ZSCAN20: variants seen among roughly 807,000 people sequenced by gnomAD.
The protein encoded by ZSCAN20 is zinc finger and SCAN domain containing 20, also known as zinc finger and SCAN domain-containing protein 20.
In ZSCAN20, 39 loss-of-function variants were observed where a neutral mutation model predicts 97.1. That is an observed-to-expected ratio of 0.40 (90% CI 0.31 to 0.52). The LOEUF (loss-of-function observed/expected upper bound fraction) is 0.52. ZSCAN20 is among the 20% of genes least tolerant of loss of function. The pLI, the probability that ZSCAN20 is intolerant of heterozygous loss-of-function variation, is 0.49. For missense variants in ZSCAN20, 1,115 were observed against 1,290.4 expected (o/e 0.86, Z 2.08); for synonymous variants, 456 against 467.3 (o/e 0.98, Z 0.31).
At chr1:33,483,266 TCA>T (rs770324798) in intron 2 of ZSCAN20, among the ~76,000 whole-genome samples, 1 of 137,580 alleles carries the variant, frequency 7.3e-6, no homozygotes, top group Non-Finnish European at 1.6e-5. Flanking sequence ...TTTTTTTTTT[TCA>T]TGTGGATGTC....
chr1:33,494,116 C>T (rs1307342088), intron 7 of ZSCAN20, 102 bp from the exon 8 acceptor site: 1 of 1,091,972 alleles, frequency 9.2e-7, no homozygotes, highest in East Asian at 2.5e-5. Flanking sequence ...GAATCAAATT[C>T]ATGTTAGCCA....
At chr1:33,483,720 A>C (rs940989350) in intron 2 of ZSCAN20, among the ~76,000 whole-genome samples, 2 of 152,000 alleles carry the variant, frequency 1.3e-5, no homozygotes, top group Non-Finnish European at 2.9e-5. Flanking sequence ...AAGACTTTAC[A>C]GTCAGTTTGT....
At chr1:33,481,461 T>C (rs1309528751) in intron 2 of ZSCAN20, among the ~76,000 whole-genome samples, 3 of 152,216 alleles carry the variant, frequency 2.0e-5, no homozygotes, top group Non-Finnish European at 4.4e-5. Context: ...ATCTTGTCTA[T>C]TATGTATTTT....
Position 33,494,330 on chromosome 1 carries a change from C to T in ZSCAN20, c.1986C>T (p.Asp662=), listed in dbSNP as rs966537187. Residue 662 remains aspartate (D), a synonymous_variant, in exon 8 of 8, where the codon GAC becomes GAT. Transcript: ENST00000684572. ...CAGAAGCTGTTTGCCAACCTCTTGACTGGGGAGAAGACAGTGAAAATGAAA... is the reference window on the plus strand; with the variant it reads ...CAGAAGCTGTTTGCCAACCTCTTGATTGGGGAGAAGACAGTGAAAATGAAA... ...CPTEAVCQPL[D]WGEDSENENE... The T allele has an allele frequency of 6.8e-6, 11 of 1,613,980 alleles. No homozygotes were observed. The highest frequency in any genetic ancestry group is 9.3e-6 in the Non-Finnish European group (11 of 1,180,032).
At chr1:33,485,660 A>G (rs10914735) in intron 2 of ZSCAN20, among the ~76,000 whole-genome samples, 116,699 of 151,794 alleles carry the variant, frequency 0.77, 45,180 homozygotes, top group African/African-American at 0.82. Context: ...ATGATCCACC[A>G]CCTTGGCCTT....
intron 2 of ZSCAN20, among the ~76,000 whole-genome samples, chr1:33,483,817 T>G (rs1224137035): frequency 6.6e-6 from 1 of 152,220 alleles, no homozygotes; most frequent in Non-Finnish European, 1.5e-5. Flanking sequence ...TTGACTACAG[T>G]GAGCCTTTCT....
chr1:33,483,396 C>G (rs541772891), intron 2 of ZSCAN20, among the ~76,000 whole-genome samples: 2 of 151,992 alleles, frequency 1.3e-5, no homozygotes, highest in South Asian at 4.2e-4. Flanking sequence ...TATTCTGTTC[C>G]ATTGATCGCT....
chr1:33,473,137 T>TACCTCCCC (rs1651791115), intron 1 of ZSCAN20, among the ~76,000 whole-genome samples: 1 of 152,104 alleles, frequency 6.6e-6, no homozygotes, highest in Non-Finnish European at 1.5e-5. Context: ...TAATGATTGT[T>TACCTCCCC]ACCTCTGGAA....
rs1185142142 is a variant in ZSCAN20 at position 33,494,672 on chromosome 1, T to G, written c.2328T>G (p.Ser776Arg). ...GCCTTGAATGTGGGAAAAGCTTTAG[T>G]GACCATTCTAATCTCATCACTCACC... is the stretch of plus-strand genomic sequence containing the variant. ...YKCLECGKSF[S>R]DHSNLITHQR... The change falls in exon 8 of 8, where the codon AGT becomes AGG. Residue 776 changes from serine (S) to arginine (R), a missense_variant. By Grantham distance (110) the Ser-to-Arg change is moderately radical. Coordinates refer to ENST00000684572, the MANE Select transcript of ZSCAN20 (RefSeq NM_001377376.1). The G allele has an allele frequency of 6.2e-7, 1 of 1,614,076 alleles. No homozygotes were observed. Among genetic ancestry groups the G allele is most frequent in the Non-Finnish European group, 8.5e-7 (1 of 1,180,016 alleles).
Position 33,498,533 on chromosome 1 carries a change from A to G in ZSCAN20, c.*3057A>G, listed in dbSNP as rs1229450362. 6.6e-6 allele frequency among the ~76,000 whole-genome samples: 1 copy of G among 152,192 alleles called. No homozygotes were observed. Among genetic ancestry groups the G allele is most frequent in the African/African-American group, 2.4e-5 (1 of 41,450 alleles). ...CTTGCTGGGCACCCAGGCGCCCTCC[A>G]GTAGGTCTGTGCTGCTCAGATAAAC... On this transcript the variant is annotated 3_prime_UTR_variant, in exon 8 of 8. Coordinates refer to ENST00000684572, the MANE Select transcript of ZSCAN20 (RefSeq NM_001377376.1).
rs1436229293 is a variant in ZSCAN20 at position 33,493,316 on chromosome 1, G to A, written c.1574G>A (p.Cys525Tyr). Residue 525 changes from cysteine (C) to tyrosine (Y), a missense_variant, in exon 7 of 8, where the codon TGT becomes TAT. Transcript: ENST00000684572. This position sits in a 1 kb window ranked among gnomAD's most constrained non-coding sequence, Gnocchi z 4.3. Reference protein sequence around the residue: ...QVYRAIAERLCALGFLRTLEQ... With the variant: ...QVYRAIAERLYALGFLRTLEQ... Reference sequence around the variant, plus strand: ...TACCGGGCCATTGCAGAGCGGCTGTGTGCTCTGGGCTTCCTGCGGACACTG... The same window carrying A: ...TACCGGGCCATTGCAGAGCGGCTGTATGCTCTGGGCTTCCTGCGGACACTG... 6.2e-7 allele frequency: 1 copy of A among 1,614,094 alleles called. No homozygotes were observed. The highest frequency in any genetic ancestry group is 8.5e-7 in the Non-Finnish European group (1 of 1,180,054).
rs1182960816 is a variant in ZSCAN20 at position 33,498,045 on chromosome 1, G to A, written c.*2569G>A. On this transcript the variant is annotated 3_prime_UTR_variant, in exon 8 of 8. Transcript: ENST00000684572. ...AGTTTCAAATATTGGGCCTAGGACA[G>A]AGCTACTTGATAGTGCTGAATGGAG... Among the ~76,000 whole-genome samples the A allele has an allele frequency of 6.6e-6, 1 of 152,188 alleles. No homozygotes were observed. Among genetic ancestry groups the A allele is most frequent in the Non-Finnish European group, 1.5e-5 (1 of 68,030 alleles).
chr1:33,483,978 C>G (rs976392805), intron 2 of ZSCAN20, among the ~76,000 whole-genome samples: 1 of 152,050 alleles, frequency 6.6e-6, no homozygotes, highest in Non-Finnish European at 1.5e-5. Context: ...TGTTATTATG[C>G]CTTTAATTTC....
rs749805248 is a variant in ZSCAN20 at position 33,489,118 on chromosome 1, T to G, written c.608T>G (p.Val203Gly). The G allele has an allele frequency of 3.1e-6, 5 of 1,611,552 alleles. No individual in the cohort carries two copies. The South Asian group carries it at 4.4e-5, about 14-fold the overall frequency. The part of the protein sequence containing the change: ...VAPQPLKESA[V>G]LTPRVPTLPK... The stretch of plus-strand genomic sequence containing the variant: ...AGTGACTTTTTCTTTTCCTCAGCTG[T>G]CCTCACTCCCCGAGTCCCTACTCTC... Residue 203 changes from valine (V) to glycine (G), a missense_variant, in exon 4 of 8, where the codon GTC (valine) becomes GGC (glycine). Physicochemically the swap from Val to Gly is moderately radical, Grantham distance 109. Transcript: ENST00000684572.
intron 5 of ZSCAN20, 58 bp from the exon 6 acceptor site, chr1:33,490,967 G>T: frequency 6.8e-7 from 1 of 1,477,522 alleles, no homozygotes; most frequent in South Asian, 1.4e-5. Context: ...GGGAGATTTT[G>T]GACAAACATG....
At position 33,494,624 on chromosome 1, in the gene ZSCAN20, C is replaced by T. The variant is rs755444855; in HGVS notation, c.2280C>T (p.His760=). ...RSNLNTHQRI[H]TGEKPYKCLE... Reference sequence around the variant, plus strand: ...ACCTCAATACCCATCAGAGAATCCACACTGGAGAGAAGCCCTATAAATGCC... The same window carrying T: ...ACCTCAATACCCATCAGAGAATCCATACTGGAGAGAAGCCCTATAAATGCC... Residue 760 remains histidine, a synonymous_variant, in exon 8 of 8, where the codon CAC becomes CAT. Coordinates refer to ENST00000684572, the MANE Select transcript of ZSCAN20 (RefSeq NM_001377376.1). The T allele has an allele frequency of 1.2e-6, 2 of 1,613,998 alleles. No individual in the cohort carries two copies. Among genetic ancestry groups the T allele is most frequent in the Non-Finnish European group, 1.7e-6 (2 of 1,179,880 alleles).
intron 5 of ZSCAN20, 29 bp downstream of exon 5, chr1:33,489,631 G>A (rs1488738280): frequency 8.7e-6 from 14 of 1,602,218 alleles, no homozygotes; most frequent in African/African-American, 4.0e-5. Context: ...TGAAGGTGAT[G>A]TTGTCATGCT....
rs948386961 is a variant in ZSCAN20 at position 33,493,147 on chromosome 1, T to C, written c.1445-40T>C. 4 of 1,591,074 alleles carry C rather than the reference T, an allele frequency of 2.5e-6. No individual in the cohort carries two copies. Among genetic ancestry groups the C allele is most frequent in the Non-Finnish European group, 3.4e-6 (4 of 1,162,882 alleles). On this transcript the variant is annotated intron_variant, in intron 6 of 7. Transcript: ENST00000684572. This position sits in a 1 kb window ranked among gnomAD's most constrained non-coding sequence, Gnocchi z 4.3. ...TATTCTCTGATGACCTAGGCACATC[T>C]CATTAAGTCTCACAGTTCTCAACTC...
chr1:33,493,340 T>C lies in ZSCAN20; in HGVS notation c.1598T>C (p.Leu533Pro). The change falls in exon 7 of 8, where the codon CTG becomes CCG. Residue 533 changes from leucine to proline, a missense_variant. Physicochemically the swap from Leu to Pro is moderately conservative, Grantham distance 98. Around this residue, in one of 3 missense-constraint regions of ZSCAN20, gnomAD observed 53 missense variants for 94.3 expected, o/e 0.56. Transcript: ENST00000684572. This position sits in a 1 kb window ranked among gnomAD's most constrained non-coding sequence, Gnocchi z 4.3. ...TGTGCTCTGGGCTTCCTGCGGACAC[T>C]GGAGCAGTGTCGCTACAGATTCAAA... ...RLCALGFLRT[L>P]EQCRYRFKNL... The C allele has an allele frequency of 6.2e-7, 1 of 1,614,190 alleles. No individual in the cohort carries two copies. Among genetic ancestry groups the C allele is most frequent in the Non-Finnish European group, 8.5e-7 (1 of 1,180,014 alleles).
Sources: gnomAD v4.1 joint callset for allele counts (sites outside exome capture counted in the v4.1 genomes callset) on GRCh38, gnomAD v4.1.1 for gene constraint, gnomAD v4.1.1 regional missense constraint, Gnocchi (gnomAD v3.1) non-coding constraint, MANE v1.5 for transcripts, NCBI Gene and HGNC (gene_info 2026-07-23, HGNC 2026-07-21) for gene names.